GALNS: variants seen among roughly 807,000 people sequenced by gnomAD.
GALNS encodes the protein N-acetylgalactosamine-6-sulfatase.
A neutral mutation model predicts 65.9 loss-of-function variants in GALNS; 65 were observed. The observed-to-expected ratio is 0.99, with a 90% CI of 0.81 to 1.21. The LOEUF (loss-of-function observed/expected upper bound fraction) is 1.21. Among genes scored for constraint, GALNS ranks in the 50% most tolerant of loss-of-function variants. The pLI is 0.00. For missense variants in GALNS, 776 were observed against 700.7 expected (o/e 1.11, Z -1.21); for synonymous variants, 346 against 288.9 (o/e 1.20, Z -2.00).
At chr16:88,852,228 A>G (rs1236260442) in intron 1 of GALNS, among the ~76,000 whole-genome samples, 6 of 152,228 alleles carry the variant, frequency 3.9e-5, no homozygotes, top group Non-Finnish European at 1.5e-5. Flanking sequence ...CACTGGTGAT[A>G]CCCAGGCAAA....
chr16:88,836,376 C>T (rs1055723171), intron 5 of GALNS, 109 bp from the exon 6 acceptor site: 6 of 896,760 alleles, frequency 6.7e-6, no homozygotes, highest in African/African-American at 6.6e-5. Context: ...AAGGCTAGGG[C>T]TGGGCGTCAT....
At chr16:88,855,537 G>C (rs1439916449) in intron 1 of GALNS, 2 of 701,288 alleles carry the variant, frequency 2.9e-6, no homozygotes, top group African/African-American at 1.7e-5. Context: ...ACACAAATAA[G>C]ACATATGAGA....
chr16:88,846,739 C>T (rs947745478), intron 1 of GALNS, among the ~76,000 whole-genome samples: 3 of 152,020 alleles, frequency 2.0e-5, no homozygotes, highest in Admixed American at 1.3e-4. Flanking sequence ...GACGGGGTTT[C>T]GCCATGTTGG....
chr16:88,856,027 T>C, intron 1 of GALNS: 1 of 609,648 alleles, frequency 1.6e-6, no homozygotes, highest in Non-Finnish European at 2.9e-6. Flanking sequence ...TCAACCCAGG[T>C]GTGTCTGGGG....
chr16:88,832,728 G>A (rs1368768141), intron 8 of GALNS, among the ~76,000 whole-genome samples: 1 of 152,192 alleles, frequency 6.6e-6, no homozygotes, highest in African/African-American at 2.4e-5. Flanking sequence ...AGCCACTTGA[G>A]GCTCTCTCAG....
intron 4 of GALNS, chr16:88,840,585 C>T: frequency 2.9e-6 from 1 of 344,772 alleles, no homozygotes. Context: ...TAGACCAGAG[C>T]TTTCACCATC....
chr16:88,837,946 T>C, intron 4 of GALNS, 181 bp from the exon 5 acceptor site: 2 of 634,962 alleles, frequency 3.1e-6, no homozygotes, highest in Non-Finnish European at 5.5e-6. Context: ...AGGAGGGTGC[T>C]GGCACTGCCC....
rs571939857 is a variant in GALNS, at chr16:88,853,755, G to A, written c.120+3003C>T. Among the ~76,000 whole-genome samples the A allele has an allele frequency of 1.2e-3, 186 of 152,310 alleles. 1 individual carries two copies. Among genetic ancestry groups the A allele is most frequent in the Non-Finnish European group, 2.3e-3 (156 of 68,022 alleles). ...AGGTGCCCAGGGTACTACGAAGCCA[G>A]GCCGCGCTGGACCGTGGGTCAGTGA... On this transcript the variant is annotated intron_variant, in intron 1 of 13. Coordinates refer to ENST00000268695, the MANE Select transcript of GALNS (RefSeq NM_000512.5).
At chr16:88,856,531 T>A (rs1339434745) in intron 1 of GALNS, 14 of 691,642 alleles carry the variant, frequency 2.0e-5, no homozygotes, top group Middle Eastern at 3.6e-4. Flanking sequence ...ACCCCACGCC[T>A]GGACCCCGCG....
intron 8 of GALNS, 147 bp downstream of exon 8, chr16:88,835,066 G>T (rs1911968128): frequency 9.5e-7 from 1 of 1,053,074 alleles, no homozygotes; most frequent in Non-Finnish European, 1.4e-6. Context: ...CTTGCTCGAG[G>T]CTCGGTGACA....
intron 10 of GALNS, 124 bp downstream of exon 10, chr16:88,826,577 TG>T: frequency 1.7e-6 from 2 of 1,201,612 alleles, no homozygotes; most frequent in Non-Finnish European, 2.3e-6. Context: ...CCTCCTGCCC[TG>T]GGCACGAGCA....
chr16:88,820,789 G>C (rs971803023), intron 12 of GALNS, among the ~76,000 whole-genome samples: 8 of 152,220 alleles, frequency 5.3e-5, no homozygotes, highest in African/African-American at 1.9e-4. Context: ...TGGACGCGAG[G>C]GGGCACCGCC....
chr16:88,828,008 G>A (rs1911108494), intron 9 of GALNS, among the ~76,000 whole-genome samples: 1 of 152,250 alleles, frequency 6.6e-6, no homozygotes, highest in African/African-American at 2.4e-5. Flanking sequence ...GCCTCACAGG[G>A]ACACTCACTC....
At chr16:88,819,371 G>A (rs1238390802) in intron 12 of GALNS, among the ~76,000 whole-genome samples, 1 of 152,178 alleles carries the variant, frequency 6.6e-6, no homozygotes, top group East Asian at 1.9e-4. Context: ...CAGCGCCCCT[G>A]AGCACAGGGT....
intron 1 of GALNS, chr16:88,843,437 A>G (rs1312970134): frequency 2.6e-5 from 9 of 352,386 alleles, no homozygotes; most frequent in Middle Eastern, 1.0e-3. Flanking sequence ...CTGAGCGCCC[A>G]TCGGCAGACG....
In GALNS at chr16:88,826,808, G is replaced by A. The variant is rs1394357444; in HGVS notation, c.1033C>T (p.Leu345Phe). The A allele has an allele frequency of 1.9e-6, 3 of 1,593,298 alleles. No homozygotes were observed. The highest frequency in any genetic ancestry group is 2.7e-5 in the African/African-American group (2 of 74,656). ...VSHQLGSIMDLFTTSLALAGL... is the reference protein window; with the variant it reads ...VSHQLGSIMDFFTTSLALAGL... ...GCAAGGGCCAGGCTGGTGGTGAAGA[G>A]GTCCATGATGCTGCCCAGCTGGTGG... The change falls in exon 10 of 14, where the codon CTC becomes TTC. Residue 345 changes from leucine to phenylalanine, a missense_variant. Physicochemically the swap from Leu to Phe is conservative, Grantham distance 22. Transcript: ENST00000268695.
At chr16:88,855,861 G>C in intron 1 of GALNS, 1 of 503,902 alleles carries the variant, frequency 2.0e-6, no homozygotes, top group Non-Finnish European at 3.6e-6. Context: ...AGCACACAGG[G>C]GCTGAGCGAC....
rs1418848917 is a variant in GALNS, at chr16:88,832,003, C to T, written c.997G>A (p.Gly333Ser). The T allele has an allele frequency of 1.2e-6, 2 of 1,613,226 alleles. No homozygotes were observed. The highest frequency in any genetic ancestry group is 2.2e-5 in the East Asian group (1 of 44,868). ...LAWWPGHVTAGQVSHQLGSIM... is the reference protein window; with the variant it reads ...LAWWPGHVTASQVSHQLGSIM... ...ACCGGTGGACGCTGACTCACCTGGC[C>T]TGCAGTGACGTGCCCTGGCCACCAT... is the stretch of plus-strand genomic sequence containing the variant. Residue 333 changes from glycine to serine, a missense_variant, in exon 9 of 14, where the codon GGC (glycine) becomes AGC (serine). By Grantham distance (56) the Gly-to-Ser change is moderately conservative. Transcript: ENST00000268695.
At chr16:88,855,558 G>A in intron 1 of GALNS, 1 of 700,304 alleles carries the variant, frequency 1.4e-6, no homozygotes, top group Non-Finnish European at 2.6e-6. Context: ...TGGAAAAGCA[G>A]CTGCCCAGGA....
Sources: gnomAD v4.1 joint callset for allele counts (sites outside exome capture counted in the v4.1 genomes callset) on GRCh38, gnomAD v4.1.1 for gene constraint, MANE v1.5 for transcripts, NCBI Gene and HGNC (gene_info 2026-07-23, HGNC 2026-07-21) for gene names.